PCNX2: variants seen among roughly 807,000 people sequenced by gnomAD.
The protein encoded by PCNX2 is pecanex 2.
In PCNX2, 168 loss-of-function variants were observed where a neutral mutation model predicts 223.8. The observed-to-expected ratio is 0.75, with a 90% CI of 0.66 to 0.85. The LOEUF is 0.85. PCNX2 is among the 40% of genes least tolerant of loss of function. PCNX2 has a pLI of 0.00. For synonymous variants in PCNX2, 1,006 were observed against 1,052.6 expected (o/e 0.96, Z 0.86); for missense variants, 2,507 against 2,675.5 (o/e 0.94, Z 1.39).
At chr1:233,096,817 G>A (rs76107116) in intron 21 of PCNX2, among the ~76,000 whole-genome samples, 62 of 152,314 alleles carry the variant, frequency 4.1e-4, no homozygotes, top group African/African-American at 1.4e-3. Flanking sequence ...AACAGGGCAA[G>A]GGTTGGGCAA....
rs1469711293 is a variant in PCNX2, at chr1:233,258,073, G to A, written c.1789C>T (p.Leu597=). The A allele has an allele frequency of 1.2e-6, 2 of 1,613,966 alleles. No homozygotes were observed. The highest frequency in any genetic ancestry group is 1.7e-6 in the Non-Finnish European group (2 of 1,179,874). The part of the protein sequence containing the change: ...NTSKMTASSQ[L]NGSAEQNEES... The stretch of plus-strand genomic sequence containing the variant: ...TCATTCTGCTCAGCTGAGCCATTCA[G>A]TTGACTGGATGCCGTCATCTTGGAA... The change falls in exon 5 of 34, where the codon CTG becomes TTG. Residue 597 remains leucine (L), a synonymous_variant. Coordinates refer to ENST00000258229, the MANE Select transcript of PCNX2 (RefSeq NM_014801.4).
intron 9 of PCNX2, among the ~76,000 whole-genome samples, chr1:233,232,409 A>T (rs1200358707): frequency 6.6e-6 from 1 of 152,232 alleles, no homozygotes; most frequent in East Asian, 1.9e-4. Flanking sequence ...TCAGTAGGTT[A>T]GATGTATTAA....
At chr1:233,153,000 G>A (rs1418478947) in intron 19 of PCNX2, among the ~76,000 whole-genome samples, 1 of 152,196 alleles carries the variant, frequency 6.6e-6, no homozygotes, top group East Asian at 1.9e-4. Context: ...CTTGTCCAAG[G>A]CTGGGCCATA....
At chr1:233,118,863 A>C (rs556835410) in intron 21 of PCNX2, among the ~76,000 whole-genome samples, 40 of 152,208 alleles carry the variant, frequency 2.6e-4, no homozygotes, top group Non-Finnish European at 4.7e-4. Context: ...AATTAACCTA[A>C]AATTTATAGG....
chr1:233,141,226 G>A (rs982070225), intron 19 of PCNX2, among the ~76,000 whole-genome samples: 8 of 152,110 alleles, frequency 5.3e-5, no homozygotes, highest in Admixed American at 3.9e-4. Context: ...CTTCACTGGG[G>A]CTCTGCATGA....
intron 25 of PCNX2, chr1:233,032,111 C>CT (rs756565967): frequency 4.1e-5 from 24 of 583,406 alleles, no homozygotes; most frequent in Non-Finnish European, 4.9e-5. Flanking sequence ...TTCTTTCTTT[C>CT]TTTTTTTTGA....
chr1:233,062,481 T>C (rs1672442542), intron 23 of PCNX2, among the ~76,000 whole-genome samples: 1 of 152,204 alleles, frequency 6.6e-6, no homozygotes, highest in Non-Finnish European at 1.5e-5. Context: ...CTTAATGCAT[T>C]GATATTCATA....
chr1:233,289,480 G>A, intron 1 of PCNX2: 1 of 933,462 alleles, frequency 1.1e-6, no homozygotes, highest in Admixed American at 1.9e-5. Context: ...CCGAGCGCCG[G>A]CTTAGGAAGA....
chr1:232,984,705 C>G, intron 33 of PCNX2: 1 of 489,158 alleles, frequency 2.0e-6, no homozygotes, highest in Non-Finnish European at 3.6e-6. Context: ...GCACGTGGGC[C>G]TTTCTGGATG....
At chr1:233,043,732 C>T (rs6681031) in intron 25 of PCNX2, among the ~76,000 whole-genome samples, 77,502 of 78,472 alleles carry the variant, frequency 0.99, 38,304 homozygotes, top group Middle Eastern at 1. Context: ...ACAAAGGACA[C>T]GAACTCATCA....
intron 13 of PCNX2, 61 bp downstream of exon 13, chr1:233,208,457 A>G: frequency 1.3e-6 from 2 of 1,492,174 alleles, no homozygotes; most frequent in East Asian, 2.3e-5. Flanking sequence ...AATTCAGAAG[A>G]CAAAGGGGAG....
intron 23 of PCNX2, among the ~76,000 whole-genome samples, chr1:233,069,388 C>G (rs1672752334): frequency 6.6e-6 from 1 of 152,064 alleles, no homozygotes. Flanking sequence ...CACACTCCAC[C>G]CAACAATGGT....
intron 28 of PCNX2, among the ~76,000 whole-genome samples, chr1:233,011,483 C>T (rs148675129): frequency 0.01 from 1,555 of 152,254 alleles, 11 homozygotes; most frequent in Non-Finnish European, 0.017. Flanking sequence ...ATGTGCAGGA[C>T]GTGCACATGT....
At chr1:233,291,138 G>A (rs1661740256) in intron 1 of PCNX2, 1 of 968,710 alleles carries the variant, frequency 1.0e-6, no homozygotes, top group African/African-American at 1.8e-5. Flanking sequence ...GGATGCTACA[G>A]GACCTCAGCT....
chr1:233,199,374 T>C (rs1395606773), intron 14 of PCNX2, among the ~76,000 whole-genome samples: 1 of 151,372 alleles, frequency 6.6e-6, no homozygotes, highest in Non-Finnish European at 1.5e-5. Context: ...ATAGAATAAA[T>C]GGGAAGGAGA....
At chr1:233,162,737 G>A (rs1167545457) in intron 17 of PCNX2, among the ~76,000 whole-genome samples, 1 of 152,140 alleles carries the variant, frequency 6.6e-6, no homozygotes, top group Non-Finnish European at 1.5e-5. Flanking sequence ...GTGGGGAGAT[G>A]TTAATTTTTC....
chr1:233,092,856 T>C (rs1673940370), intron 22 of PCNX2, among the ~76,000 whole-genome samples: 1 of 152,218 alleles, frequency 6.6e-6, no homozygotes, highest in African/African-American at 2.4e-5. Context: ...TAGAGTGCGG[T>C]GGCACCATCT....
At chr1:233,236,665 C>A (rs1442174646) in intron 9 of PCNX2, among the ~76,000 whole-genome samples, 180 bp downstream of exon 9, 2 of 152,208 alleles carry the variant, frequency 1.3e-5, no homozygotes, top group East Asian at 1.9e-4. Context: ...TAGCTGCTAT[C>A]TATCTGATTT....
At chr1:233,090,831 C>T (rs189202230) in intron 22 of PCNX2, among the ~76,000 whole-genome samples, 122 of 152,304 alleles carry the variant, frequency 8.0e-4, no homozygotes, top group African/African-American at 2.5e-3. Context: ...GAGTTTCTCA[C>T]GTACTGGCAT....
Sources: allele counts gnomAD v4.1 joint callset (sites outside exome capture counted in the v4.1 genomes callset), GRCh38; gene constraint gnomAD v4.1.1; transcripts MANE v1.5; gene names NCBI Gene and HGNC (gene_info 2026-07-23, HGNC 2026-07-21).